The following GRM5 variants were observed in gnomAD, a reference collection of about 807,000 sequenced individuals.
The protein encoded by GRM5 is metabotropic glutamate receptor 5.
Under a neutral mutation model 83.1 loss-of-function variants are expected in GRM5, and 19 were observed. That is an observed-to-expected ratio of 0.23 (90% confidence interval 0.16 to 0.34). GRM5 has a LOEUF of 0.34. Ranked by LOEUF, GRM5 falls within the 10% of genes least tolerant of loss-of-function variation. GRM5 has a pLI of 1.00. For synonymous variants in GRM5, 675 were observed against 633.6 expected (o/e 1.07, Z -0.98); for missense variants, 1,160 against 1,588.3 (o/e 0.73, Z 4.58).
intron 2 of GRM5, among the ~76,000 whole-genome samples, chr11:89,024,059 T>C (rs1200285294): frequency 1.3e-5 from 2 of 150,932 alleles, no homozygotes; most frequent in East Asian, 2.0e-4. Flanking sequence ...GTACTAAAAA[T>C]ACAAAAATTA....
At chr11:88,929,305 T>C (rs1396449654) in intron 2 of GRM5, among the ~76,000 whole-genome samples, 1 of 152,082 alleles carries the variant, frequency 6.6e-6, no homozygotes, top group African/African-American at 2.4e-5. Context: ...AGCCCAATAA[T>C]AAAAATATGC....
chr11:88,947,657 G>A (rs1284171190), intron 2 of GRM5, among the ~76,000 whole-genome samples: 6 of 151,558 alleles, frequency 4.0e-5, no homozygotes, highest in Admixed American at 6.6e-5. Context: ...TATAGATTTA[G>A]TTGATTAATA....
At chr11:88,516,032 G>GT (rs35407089) in intron 9 of GRM5, among the ~76,000 whole-genome samples, 13,115 of 152,192 alleles carry the variant, frequency 0.086, 880 homozygotes, top group East Asian at 0.26. Flanking sequence ...TTATCAGATA[G>GT]TTTTTTAATT....
intron 4 of GRM5, among the ~76,000 whole-genome samples, chr11:88,648,576 T>C (rs370426461): frequency 7.1e-6 from 1 of 140,014 alleles, no homozygotes; most frequent in Admixed American, 7.2e-5. Context: ...GTGGGTGCAG[T>C]GCACCAGCAT....
intron 8 of GRM5, among the ~76,000 whole-genome samples, chr11:88,550,364 A>G (rs1942478082): frequency 6.6e-6 from 1 of 152,204 alleles, no homozygotes; most frequent in African/African-American, 2.4e-5. Flanking sequence ...CAACAACTTT[A>G]GAAGTAGTTT....
chr11:88,755,776 C>T (rs1292281815), intron 3 of GRM5, among the ~76,000 whole-genome samples: 1 of 151,990 alleles, frequency 6.6e-6, no homozygotes, highest in South Asian at 2.1e-4. Context: ...TAGAAGCTGC[C>T]CTTGAGAATA....
rs183756707 is a variant in GRM5 at position 88,882,948 on chromosome 11, G to C, written c.662-32793C>G. Among the ~76,000 whole-genome samples the C allele has an allele frequency of 4.0e-3, 607 of 152,176 alleles. 2 individuals carry two copies. The highest frequency in any genetic ancestry group is 0.014 in the African/African-American group (572 of 41,518). On this transcript the variant is annotated intron_variant, in intron 2 of 9. Coordinates refer to ENST00000305447, the MANE Select transcript of GRM5 (RefSeq NM_001143831.3). ...TGTAAAGGGGAGTTTCCCTGCCTATGCTCTCTCTCCTGCCTGCCAACACGT... is the reference window on the plus strand; with the variant it reads ...TGTAAAGGGGAGTTTCCCTGCCTATCCTCTCTCTCCTGCCTGCCAACACGT...
chr11:88,746,514 A>G (rs1942145732), intron 3 of GRM5, among the ~76,000 whole-genome samples: 1 of 151,994 alleles, frequency 6.6e-6, no homozygotes, highest in African/African-American at 2.4e-5. Flanking sequence ...TATAGTGGAC[A>G]ATTTATTTTC....
chr11:88,577,195 T>C (rs1943129656), intron 7 of GRM5, among the ~76,000 whole-genome samples: 1 of 152,136 alleles, frequency 6.6e-6, no homozygotes, highest in Non-Finnish European at 1.5e-5. Flanking sequence ...ATTGTATGCA[T>C]ATTCTGCCAC....
intron 2 of GRM5, among the ~76,000 whole-genome samples, chr11:88,936,461 A>AATCTCTC (rs1162409215): frequency 2.0e-5 from 3 of 151,860 alleles, no homozygotes; most frequent in African/African-American, 7.2e-5. Flanking sequence ...TTCTCATTAT[A>AATCTCTC]ATCTCTCATA....
chr11:88,535,390 T>A (rs566248307), intron 8 of GRM5, among the ~76,000 whole-genome samples: 13 of 152,254 alleles, frequency 8.5e-5, no homozygotes, highest in African/African-American at 2.4e-4. Context: ...TGGACAGTGG[T>A]CTGGATGTGA....
chr11:89,057,883 A>C (rs1418733387), intron 1 of GRM5, among the ~76,000 whole-genome samples: 4 of 152,166 alleles, frequency 2.6e-5, no homozygotes, highest in African/African-American at 7.2e-5. Context: ...TATAATAATT[A>C]TTTAATGTAA....
At chr11:88,694,669 A>G (rs561484802) in intron 3 of GRM5, among the ~76,000 whole-genome samples, 3 of 152,162 alleles carry the variant, frequency 2.0e-5, no homozygotes, top group Admixed American at 6.6e-5. Context: ...TGATTGGACA[A>G]TCATAAAACT....
intron 8 of GRM5, among the ~76,000 whole-genome samples, chr11:88,566,554 C>G (rs148067002): frequency 1.9e-4 from 29 of 152,314 alleles, no homozygotes; most frequent in African/African-American, 7.0e-4. Context: ...ATCCTACATT[C>G]TTGTGCCTCT....
intron 8 of GRM5, among the ~76,000 whole-genome samples, chr11:88,551,794 C>T (rs1942515377): frequency 6.6e-6 from 1 of 152,114 alleles, no homozygotes; most frequent in African/African-American, 2.4e-5. Flanking sequence ...AGAGAGTACA[C>T]ATGGGCACAT....
intron 3 of GRM5, among the ~76,000 whole-genome samples, chr11:88,769,922 G>C (rs548913879): frequency 1.6e-4 from 24 of 152,154 alleles, no homozygotes; most frequent in African/African-American, 5.5e-4. Context: ...TGGAAGTGGG[G>C]AGGAGATAGT....
intron 2 of GRM5, among the ~76,000 whole-genome samples, chr11:88,895,840 G>C (rs750022772): frequency 6.6e-6 from 1 of 151,942 alleles, no homozygotes; most frequent in African/African-American, 2.4e-5. Context: ...TTCAACAAAT[G>C]TTTATTGCAC....
chr11:88,510,807 C>T (rs1448412434), intron 9 of GRM5, among the ~76,000 whole-genome samples: 6 of 152,202 alleles, frequency 3.9e-5, no homozygotes, highest in Non-Finnish European at 7.3e-5. Context: ...TGAGCCACTG[C>T]GTCTGGCCAG....
At position 88,733,614 on chromosome 11, in the gene GRM5, T is replaced by C. The variant is rs530136811; in HGVS notation, c.912-80211A>G. Among the ~76,000 whole-genome samples, 7 of 152,156 alleles carry C rather than the reference T, an allele frequency of 4.6e-5. No individual in the cohort carries two copies. In the South Asian group the frequency reaches 1.5e-3, roughly 32 times the overall value. ...GCTATTATTTAAGCTATGGTAGTTT[T>C]AGACACATTAACAAGTGAAAATTAA... is the stretch of plus-strand genomic sequence containing the variant. On this transcript the variant is annotated intron_variant, in intron 3 of 9. Coordinates refer to ENST00000305447, the MANE Select transcript of GRM5 (RefSeq NM_001143831.3).
Sources: allele counts gnomAD v4.1 joint callset (sites outside exome capture counted in the v4.1 genomes callset), GRCh38; gene constraint gnomAD v4.1.1; transcripts MANE v1.5; gene names NCBI Gene and HGNC (gene_info 2026-07-23, HGNC 2026-07-21).